Variants in NELL1 observed in about 807,000 individuals in gnomAD.
NELL1 encodes protein kinase C-binding protein NELL1.
NELL1 carries 76 observed loss-of-function variants against 107.4 expected under a neutral mutation model. The ratio of observed to expected loss-of-function variants is 0.71; its 90% CI spans 0.59 to 0.86. The LOEUF is 0.86. Ranked by LOEUF, NELL1 falls within the 40% of genes least tolerant of loss-of-function variation. The pLI is 0.00. For missense variants in NELL1, 1,024 were observed against 1,005.5 expected (o/e 1.02, Z -0.25); for synonymous variants, 353 against 341.2 (o/e 1.03, Z -0.38).
chr11:20,960,338 T>C (rs1851264422), intron 11 of NELL1, 94 bp from the exon 12 acceptor site: 34 of 1,256,416 alleles, frequency 2.7e-5, no homozygotes, highest in Non-Finnish European at 3.7e-5. Flanking sequence ...TTTTCCTGCA[T>C]AGTGACATAT....
At chr11:21,358,220 G>A (rs1170783104) in intron 14 of NELL1, among the ~76,000 whole-genome samples, 3 of 152,126 alleles carry the variant, frequency 2.0e-5, no homozygotes, top group Non-Finnish European at 2.9e-5. Flanking sequence ...CATTGAATCT[G>A]TAGATTACTT....
In NELL1 at chr11:21,039,692, G is replaced by T. The variant is rs574620848; in HGVS notation, c.1301-73897G>T. On this transcript the variant is annotated intron_variant, in intron 12 of 19. Transcript: ENST00000357134. ...CAATTTTCATTGTATAAAACAAAAA[G>T]GTGCAATAATATGGCAGGTTTGCCT... Among the ~76,000 whole-genome samples, 333 of 152,204 alleles carry T rather than the reference G, an allele frequency of 2.2e-3. 6 individuals carry two copies. Among genetic ancestry groups the T allele is most frequent in the South Asian group, 9.5e-3 (46 of 4,818 alleles).
intron 14 of NELL1, among the ~76,000 whole-genome samples, chr11:21,307,629 T>TA (rs1849635994): frequency 6.6e-6 from 1 of 151,912 alleles, no homozygotes; most frequent in African/African-American, 2.4e-5. Context: ...CCCAATGGAG[T>TA]AGAGATCTAA....
chr11:20,893,582 T>A (rs1849662973), intron 5 of NELL1, among the ~76,000 whole-genome samples: 1 of 151,556 alleles, frequency 6.6e-6, no homozygotes, highest in African/African-American at 2.4e-5. Context: ...ATAGAAATCA[T>A]GTTTAACTCC....
chr11:21,144,035 A>C (rs1855922088), intron 13 of NELL1, among the ~76,000 whole-genome samples: 1 of 152,222 alleles, frequency 6.6e-6, no homozygotes, highest in Admixed American at 6.5e-5. Context: ...ATAAAGTCTG[A>C]TTTGGAAGGA....
intron 9 of NELL1, among the ~76,000 whole-genome samples, chr11:20,928,965 G>A (rs964260447): frequency 3.3e-5 from 5 of 152,270 alleles, no homozygotes; most frequent in East Asian, 1.9e-4. Flanking sequence ...TGAAGCTGTC[G>A]TTTAGAACAT....
chr11:20,792,894 T>C (rs1190164866), intron 3 of NELL1, among the ~76,000 whole-genome samples: 1 of 152,014 alleles, frequency 6.6e-6, no homozygotes, highest in Non-Finnish European at 1.5e-5. Flanking sequence ...TGAGATGCCA[T>C]AGATTTTTCT....
chr11:21,280,956 C>T (rs1386251704), intron 14 of NELL1, among the ~76,000 whole-genome samples: 4 of 152,078 alleles, frequency 2.6e-5, no homozygotes, highest in African/African-American at 7.2e-5. Context: ...GAACAGGCAA[C>T]CTATTGAGAC....
rs373918793 is a variant in NELL1 at position 21,335,474 on chromosome 11, G to T, written c.1550-35379G>T. Among the ~76,000 whole-genome samples the T allele has an allele frequency of 1.8e-3, 279 of 152,120 alleles. 9 individuals are homozygous for T. The South Asian group carries it at 0.054, about 29-fold the overall frequency. On this transcript the variant is annotated intron_variant, in intron 14 of 19. Transcript: ENST00000357134. ...TCAAGGAATTGTCAATAATAATCGT[G>T]TGGCTCAAGCCATAAATCACTTTGG...
At position 21,456,156 on chromosome 11, in the gene NELL1, G is replaced by C. The variant is rs146162249; in HGVS notation, c.1646-78218G>C. Among the ~76,000 whole-genome samples, 770 of 152,236 alleles carry C rather than the reference G, an allele frequency of 5.1e-3. 7 individuals are homozygous for C. The highest frequency in any genetic ancestry group is 0.016 in the African/African-American group (661 of 41,536). ...GATCCACCTGCCTCAGCCTCCCAAA[G>C]TGCTGGGATTACAGGCGATGCCTGG... On this transcript the variant is annotated intron_variant, in intron 15 of 19. Transcript: ENST00000357134.
At chr11:21,161,509 C>G (rs1037517486) in intron 13 of NELL1, among the ~76,000 whole-genome samples, 1 of 152,072 alleles carries the variant, frequency 6.6e-6, no homozygotes, top group Non-Finnish European at 1.5e-5. Context: ...TGCATTCCAG[C>G]CTGGGTGACA....
rs1431255289 is a variant in NELL1, at chr11:21,528,264, G to C, written c.1646-6110G>C. Among the ~76,000 whole-genome samples, 12 of 152,234 alleles carry C rather than the reference G, an allele frequency of 7.9e-5. No individual in the cohort carries two copies. The East Asian group carries it at 2.1e-3, about 27-fold the overall frequency. On this transcript the variant is annotated intron_variant, in intron 15 of 19. Transcript: ENST00000357134. Reference sequence around the variant, plus strand: ...GCATTATGGCATAGGTAATTGCTGTGGTTTAGATGTGATTTGTTCCCACCA... The same window carrying C: ...GCATTATGGCATAGGTAATTGCTGTCGTTTAGATGTGATTTGTTCCCACCA...
At chr11:20,735,419 A>G (rs1466233680) in intron 2 of NELL1, among the ~76,000 whole-genome samples, 1 of 152,222 alleles carries the variant, frequency 6.6e-6, no homozygotes, top group Non-Finnish European at 1.5e-5. Flanking sequence ...GATGACAGGA[A>G]GGAGAAGTGC....
chr11:20,838,260 G>T (rs1432372418), intron 3 of NELL1, among the ~76,000 whole-genome samples: 1 of 149,918 alleles, frequency 6.7e-6, no homozygotes, highest in Non-Finnish European at 1.5e-5. Context: ...AACCGTCAAG[G>T]TCATAAAAAA....
chr11:21,044,854 A>T (rs1441620899), intron 12 of NELL1, among the ~76,000 whole-genome samples: 2 of 152,132 alleles, frequency 1.3e-5, no homozygotes, highest in African/African-American at 4.8e-5. Context: ...AAGGTAAGAG[A>T]AGGTTTGACT....
At chr11:20,895,499 T>G (rs1185416176) in intron 5 of NELL1, among the ~76,000 whole-genome samples, 1 of 107,148 alleles carries the variant, frequency 9.3e-6, no homozygotes, top group Non-Finnish European at 2.3e-5. Flanking sequence ...ACATGTGATA[T>G]TTGCCTTTTT....
intron 12 of NELL1, among the ~76,000 whole-genome samples, chr11:20,981,956 TTCTCTCTCTC>T (rs68140364): frequency 3.4e-5 from 5 of 148,562 alleles, no homozygotes; most frequent in Non-Finnish European, 6.0e-5. Context: ...CTCTCTCTCT[TTCTCTCTCTC>T]TCTCTCTCTC....
chr11:21,391,204 T>C (rs942042328), intron 15 of NELL1, among the ~76,000 whole-genome samples: 1 of 151,854 alleles, frequency 6.6e-6, no homozygotes, highest in African/African-American at 2.4e-5. Context: ...TCACATTTTT[T>C]AGTACAACTT....
chr11:21,091,465 A>G (rs1314566147), intron 12 of NELL1, among the ~76,000 whole-genome samples: 2 of 152,224 alleles, frequency 1.3e-5, no homozygotes, highest in Non-Finnish European at 2.9e-5. Context: ...TTTAGAGAGC[A>G]GATATTTTTA....
Sources: allele counts gnomAD v4.1 joint callset (sites outside exome capture counted in the v4.1 genomes callset), GRCh38; gene constraint gnomAD v4.1.1; transcripts MANE v1.5; gene names NCBI Gene and HGNC (gene_info 2026-07-23, HGNC 2026-07-21).